The following BCL7A variants were observed in gnomAD, a reference collection of about 807,000 sequenced individuals.
BCL7A encodes the protein BAF chromatin remodeling complex subunit BCL7A, also known as B-cell CLL/lymphoma 7 protein family member A.
In BCL7A, 11 loss-of-function variants were observed where a neutral mutation model predicts 28.4. That is an observed-to-expected ratio of 0.39 (90% CI 0.24 to 0.64). The LOEUF (loss-of-function observed/expected upper bound fraction) is 0.64, where lower values mean the gene tolerates loss of function less well. BCL7A is among the 30% of genes least tolerant of loss of function. The probability of loss-of-function intolerance (pLI) is 0.50; values close to 1 mark genes in which losing one functional copy is unlikely to be tolerated. For synonymous variants in BCL7A, 123 were observed against 103.3 expected (o/e 1.19, Z -1.15); for missense variants, 222 against 274.8 (o/e 0.81, Z 1.36).
At chr12:122,022,590 G>C (rs2135833340) in intron 1 of BCL7A, among the ~76,000 whole-genome samples, 2 of 145,300 alleles carry the variant, frequency 1.4e-5, no homozygotes, top group East Asian at 2.0e-4. Context: ...CGATGCCGGC[G>C]GCGGCGGGGA....
intron 2 of BCL7A, among the ~76,000 whole-genome samples, chr12:122,031,932 C>G (rs888098147): frequency 1.3e-5 from 2 of 152,218 alleles, no homozygotes; most frequent in Non-Finnish European, 2.9e-5. Flanking sequence ...GCCCCATAGG[C>G]CTTTGCCTGG....
At chr12:122,041,733 C>T (rs1883969223) in intron 3 of BCL7A, among the ~76,000 whole-genome samples, 1 of 152,156 alleles carries the variant, frequency 6.6e-6, no homozygotes. Flanking sequence ...TGCTGTACTC[C>T]AGCCTGGGCA....
At chr12:122,030,403 G>T (rs1593023698) in intron 1 of BCL7A, among the ~76,000 whole-genome samples, 1 of 152,248 alleles carries the variant, frequency 6.6e-6, no homozygotes, top group South Asian at 2.1e-4. Context: ...AGTGACACAG[G>T]AGGAACCTGG....
intron 2 of BCL7A, among the ~76,000 whole-genome samples, chr12:122,033,948 A>T (rs968435596): frequency 2.0e-5 from 3 of 151,624 alleles, no homozygotes; most frequent in African/African-American, 7.3e-5. Context: ...GTATCTTCCG[A>T]TGTTACTCTT....
chr12:122,041,025 T>C (rs1056562264), intron 3 of BCL7A, among the ~76,000 whole-genome samples: 11 of 151,816 alleles, frequency 7.2e-5, no homozygotes, highest in Admixed American at 5.9e-4. Context: ...CATCCTTCTT[T>C]TTTTTTTTTA....
At position 122,035,263 on chromosome 12, in the gene BCL7A, G is replaced by C. The variant is rs528947682; in HGVS notation, c.175-68G>C. The C allele has an allele frequency of 7.1e-6, 10 of 1,409,572 alleles. No homozygotes were observed. In the East Asian group the frequency reaches 1.8e-4, roughly 26 times the overall value. The allele number at this position is 1,409,572 out of a possible 1,614,324, so 87.3% of individuals were successfully genotyped here. A position where few individuals can be genotyped will look rare whatever the true frequency, so the allele number is the denominator to read the frequency against. ...ATAAAATATTCACACCACTCCCCAGGGGCTCTGAGCACGTGTGCGCACACA... is the reference window on the plus strand; with the variant it reads ...ATAAAATATTCACACCACTCCCCAGCGGCTCTGAGCACGTGTGCGCACACA... On this transcript the variant is annotated intron_variant, in intron 2 of 5. Coordinates refer to ENST00000261822, the MANE Select transcript of BCL7A (RefSeq NM_001024808.3).
intron 3 of BCL7A, among the ~76,000 whole-genome samples, chr12:122,039,275 C>G (rs893159653): frequency 6.8e-6 from 1 of 147,334 alleles, no homozygotes. Flanking sequence ...ACAGCCTGGG[C>G]GACAGAGCAA....
chr12:122,060,141 T>G lies in BCL7A; in HGVS notation c.*978T>G, dbSNP rs1951908870. 1 of 233,010 alleles carries G rather than the reference T, an allele frequency of 4.3e-6. No homozygotes were observed. Among genetic ancestry groups the G allele is most frequent in the Admixed American group, 5.6e-5 (1 of 17,748 alleles). 14.4% of individuals were successfully genotyped at this position (233,010 alleles called of 1,614,324 possible). On this transcript the variant is annotated 3_prime_UTR_variant, in exon 6 of 6. Coordinates refer to ENST00000261822, the MANE Select transcript of BCL7A (RefSeq NM_001024808.3). ...GGCAGGATTAGCTGGTGCTGAACTT[T>G]CTCTCATAGGACGTCGCTTGGATTT...
intron 1 of BCL7A, among the ~76,000 whole-genome samples, chr12:122,027,328 T>G (rs2135839460): frequency 6.6e-6 from 1 of 152,356 alleles, no homozygotes; most frequent in African/African-American, 2.4e-5. Context: ...ATTTTTAAAG[T>G]ACTGTGCAGG....
At chr12:122,023,655 G>C (rs1883532032) in intron 1 of BCL7A, among the ~76,000 whole-genome samples, 1 of 152,330 alleles carries the variant, frequency 6.6e-6, no homozygotes, top group South Asian at 2.1e-4. Flanking sequence ...GCTTTCCAAA[G>C]TTGAGATCCA....
intron 1 of BCL7A, among the ~76,000 whole-genome samples, chr12:122,027,307 G>A (rs1487101531): frequency 6.6e-6 from 1 of 152,204 alleles, no homozygotes; most frequent in African/African-American, 2.4e-5. Flanking sequence ...AAGTTTGGCA[G>A]CAGATTTAAC....
chr12:122,038,714 T>C (rs568771083), intron 3 of BCL7A, among the ~76,000 whole-genome samples: 1 of 152,274 alleles, frequency 6.6e-6, no homozygotes, highest in Admixed American at 6.5e-5. Context: ...GGACCCCACC[T>C]GGGTTCACAT....
Position 122,060,514 on chromosome 12 carries a change from C to T in BCL7A, c.*1351C>T, listed in dbSNP as rs1209488734. 4.3e-6 allele frequency: 1 copy of T among 233,298 alleles called. No individual in the cohort carries two copies. Among genetic ancestry groups the T allele is most frequent in the African/African-American group, 2.2e-5 (1 of 45,330 alleles). The allele number at this position is 233,298 out of a possible 1,614,324, so 14.5% of individuals were successfully genotyped here. ...GGAGACGCCCCCTTGGACGAACTGC[C>T]TAATCGTTTGGTTCTGAGGCCTGGT... On this transcript the variant is annotated 3_prime_UTR_variant, in exon 6 of 6. Transcript: ENST00000261822.
intron 4 of BCL7A, among the ~76,000 whole-genome samples, chr12:122,049,082 A>C (rs540014767): frequency 9.5e-5 from 14 of 146,842 alleles, no homozygotes; most frequent in African/African-American, 2.7e-4. Context: ...AAAAAAATAC[A>C]TAAAACTATA....
At chr12:122,031,491 G>A (rs540220482) in intron 2 of BCL7A, among the ~76,000 whole-genome samples, 1 of 152,174 alleles carries the variant, frequency 6.6e-6, no homozygotes, top group African/African-American at 2.4e-5. Context: ...CTCACATGTG[G>A]CATCTCCGTT....
chr12:122,027,494 C>G (rs967707051), intron 1 of BCL7A, among the ~76,000 whole-genome samples: 1 of 151,972 alleles, frequency 6.6e-6, no homozygotes, highest in African/African-American at 2.4e-5. Flanking sequence ...GAGCAGTGAT[C>G]GCACCACCGC....
Position 122,054,841 on chromosome 12 carries a change from A to G in BCL7A, c.476A>G (p.Glu159Gly). 1 of 1,614,188 alleles carries G rather than the reference A, an allele frequency of 6.2e-7. No individual in the cohort carries two copies. ...GAGCAGAATTCACAGTCCTCGATGG[A>G]ACATTCGATGAACAGCTCAGAGAAA... ...SDEQNSQSSM[E>G]HSMNSSEKVD... Residue 159 changes from glutamate to glycine, a missense_variant, in exon 5 of 6, where the codon GAA becomes GGA. Physicochemically the swap from Glu to Gly is moderately conservative, Grantham distance 98. Coordinates refer to ENST00000261822, the MANE Select transcript of BCL7A (RefSeq NM_001024808.3).
intron 4 of BCL7A, among the ~76,000 whole-genome samples, chr12:122,047,244 C>A (rs1016013843): frequency 6.6e-5 from 10 of 151,636 alleles, no homozygotes; most frequent in African/African-American, 2.4e-4. Context: ...GGGGTCTTGG[C>A]CGGGCGCAGT....
intron 4 of BCL7A, among the ~76,000 whole-genome samples, chr12:122,049,761 G>A (rs1411506357): frequency 6.6e-6 from 1 of 152,068 alleles, no homozygotes; most frequent in African/African-American, 2.4e-5. Context: ...GTCCTGCGGG[G>A]GGTCTGGTAC....
Sources: allele counts gnomAD v4.1 joint callset (sites outside exome capture counted in the v4.1 genomes callset), GRCh38; gene constraint gnomAD v4.1.1; transcripts MANE v1.5; gene names NCBI Gene and HGNC (gene_info 2026-07-23, HGNC 2026-07-21).